The following BRAF variants were observed in gnomAD, a reference collection of about 807,000 sequenced individuals.
The protein encoded by BRAF is serine/threonine-protein kinase B-raf.
Under a neutral mutation model 104.6 loss-of-function variants are expected in BRAF, and 16 were observed. The observed-to-expected ratio is 0.15, with a 90% CI of 0.10 to 0.23. BRAF has a LOEUF of 0.23. Ranked by LOEUF, BRAF falls within the 10% of genes least tolerant of loss-of-function variation. BRAF has a pLI of 1.00. For missense variants in BRAF, 541 were observed against 937.3 expected, an observed-to-expected ratio of 0.58 and a Z score of 5.52; for synonymous variants, 310 against 341.6, an observed-to-expected ratio of 0.91 and a Z score of 1.02.
chr7:140,873,138 A>G (rs1586488454), intron 1 of BRAF, among the ~76,000 whole-genome samples: 3 of 149,824 alleles, frequency 2.0e-5, no homozygotes, highest in Admixed American at 2.0e-4. Context: ...TAAAGGCTGA[A>G]CCTGAGTAAG....
intron 8 of BRAF, among the ~76,000 whole-genome samples, chr7:140,792,784 C>G (rs546085558): frequency 1.4e-4 from 21 of 152,314 alleles, no homozygotes; most frequent in Non-Finnish European, 2.8e-4. Flanking sequence ...CAATGCATAG[C>G]CCACAGTTAT....
intron 17 of BRAF, chr7:140,741,233 T>C (rs761013532): frequency 3.3e-5 from 5 of 152,196 alleles, no homozygotes; most frequent in Non-Finnish European, 7.3e-5. Context: ...CAAAAAAGAA[T>C]TCTACAAGGT....
chr7:140,829,684 G>A (rs1806497727), intron 3 of BRAF, among the ~76,000 whole-genome samples: 1 of 152,196 alleles, frequency 6.6e-6, no homozygotes, highest in Middle Eastern at 3.4e-3. Context: ...ATGAGAAAAC[G>A]ATCCAGTTTT....
intron 1 of BRAF, among the ~76,000 whole-genome samples, chr7:140,855,803 T>C (rs887490449): frequency 9.9e-5 from 15 of 152,070 alleles, no homozygotes; most frequent in African/African-American, 3.6e-4. Context: ...GTGGATAACC[T>C]GAGGCCAGGA....
intron 8 of BRAF, among the ~76,000 whole-genome samples, chr7:140,792,826 T>C (rs941399756): frequency 5.9e-5 from 9 of 152,232 alleles, no homozygotes; most frequent in African/African-American, 2.2e-4. Flanking sequence ...TCATAAGTGC[T>C]TGAACATGAA....
At chr7:140,756,209 G>A (rs1258822903) in intron 14 of BRAF, among the ~76,000 whole-genome samples, 2 of 152,112 alleles carry the variant, frequency 1.3e-5, no homozygotes, top group East Asian at 1.9e-4. Context: ...GTTATAGGCC[G>A]AGTTGCATAA....
intron 1 of BRAF, among the ~76,000 whole-genome samples, chr7:140,921,391 A>G (rs1018297980): frequency 6.6e-6 from 1 of 152,182 alleles, no homozygotes; most frequent in African/African-American, 2.4e-5. Flanking sequence ...GAGCACCTAC[A>G]AAGTATTAAT....
At position 140,744,376 on chromosome 7, in the gene BRAF, A is replaced by C. The variant is rs189432400; in HGVS notation, c.2113-4430T>G. ...ACTCCATTGGGAGAGGGTGACAGGA[A>C]GCTCCAACAAGAACGCTTCTGAATT... is the stretch of plus-strand genomic sequence containing the variant. On this transcript the variant is annotated intron_variant, in intron 17 of 19. Transcript: ENST00000644969. 1.7e-4 allele frequency among the ~76,000 whole-genome samples: 26 copies of C among 152,366 alleles called. No homozygotes were observed. The East Asian group carries it at 4.6e-3, about 27-fold the overall frequency.
chr7:140,916,544 T>C (rs1295313917), intron 1 of BRAF, among the ~76,000 whole-genome samples: 2 of 152,252 alleles, frequency 1.3e-5, no homozygotes, highest in African/African-American at 4.8e-5. Context: ...AATAAACATC[T>C]TAACATATTC....
chr7:140,860,177 A>G (rs936642696), intron 1 of BRAF, among the ~76,000 whole-genome samples: 1 of 152,202 alleles, frequency 6.6e-6, no homozygotes, highest in African/African-American at 2.4e-5. Context: ...TTTACACAGC[A>G]TATGGTTCAC....
At chr7:140,788,831 C>T (rs1171029388) in intron 8 of BRAF, among the ~76,000 whole-genome samples, 4 of 152,014 alleles carry the variant, frequency 2.6e-5, no homozygotes, top group South Asian at 4.2e-4. Flanking sequence ...TCAGGTGATC[C>T]GTCCACCTCA....
At chr7:140,808,786 G>A (rs2129048311) in intron 4 of BRAF, 106 bp downstream of exon 4, 1 of 897,360 alleles carries the variant, frequency 1.1e-6, no homozygotes, top group Non-Finnish European at 1.8e-6. Flanking sequence ...TTTTCCTAAA[G>A]TACACTTTCA....
intron 14 of BRAF, among the ~76,000 whole-genome samples, chr7:140,763,179 G>A (rs1798929169): frequency 1.3e-5 from 2 of 152,236 alleles, no homozygotes; most frequent in South Asian, 4.1e-4. Flanking sequence ...TCCCAGTAGG[G>A]GCGGCCGGGG....
At chr7:140,808,401 C>T (rs1341660588) in intron 4 of BRAF, 2 of 421,186 alleles carry the variant, frequency 4.7e-6, no homozygotes, top group Non-Finnish European at 8.9e-6. Context: ...CTTATCTATC[C>T]ATTCAAGGAA....
In BRAF at chr7:140,724,063, G is replaced by A; in HGVS notation, c.*2431C>T. The A allele has an allele frequency of 9.5e-7, 1 of 1,047,882 alleles. No individual in the cohort carries two copies. The highest frequency in any genetic ancestry group is 1.2e-6 in the Non-Finnish European group (1 of 868,350). 64.9% of individuals were successfully genotyped at this position (1,047,882 alleles called of 1,614,324 possible). On this transcript the variant is annotated 3_prime_UTR_variant, in exon 20 of 20. Transcript: ENST00000644969. Reference sequence around the variant, plus strand: ...ATGCTAAGCCTGGCTCCTGGGCACAGCTTCATTTGAGATCAAGTCTGCTCC... The same window carrying A: ...ATGCTAAGCCTGGCTCCTGGGCACAACTTCATTTGAGATCAAGTCTGCTCC...
At chr7:140,908,404 A>C (rs1008738982) in intron 1 of BRAF, among the ~76,000 whole-genome samples, 1 of 152,032 alleles carries the variant, frequency 6.6e-6, no homozygotes, top group African/African-American at 2.4e-5. Context: ...TTGTCCTTGA[A>C]AAATTACTGG....
intron 14 of BRAF, among the ~76,000 whole-genome samples, chr7:140,756,430 G>A (rs925527831): frequency 8.6e-5 from 13 of 151,876 alleles, no homozygotes; most frequent in Non-Finnish European, 1.3e-4. Context: ...AGACACAACC[G>A]AATCCCTACA....
intron 1 of BRAF, among the ~76,000 whole-genome samples, chr7:140,903,715 G>A (rs1228895097): frequency 4.6e-5 from 7 of 152,146 alleles, no homozygotes; most frequent in South Asian, 2.1e-4. Flanking sequence ...CACCTTTCTC[G>A]ATGCCATAAA....
At chr7:140,781,766 A>G in intron 11 of BRAF, 73 bp from the exon 11 acceptor site, 1 of 1,199,618 alleles carries the variant, frequency 8.3e-7, no homozygotes. Context: ...CCCTAAGTAC[A>G]TTACCTTATG....
Sources: gnomAD v4.1 joint callset for allele counts (sites outside exome capture counted in the v4.1 genomes callset) on GRCh38, gnomAD v4.1.1 for gene constraint, MANE v1.5 for transcripts, NCBI Gene and HGNC (gene_info 2026-07-23, HGNC 2026-07-21) for gene names.